The following CAMK4 variants were observed in gnomAD, a reference collection of about 807,000 sequenced individuals.
CAMK4 encodes calcium/calmodulin-dependent protein kinase type IV.
Under a neutral mutation model 44.9 loss-of-function variants are expected in CAMK4, and 22 were observed. The observed-to-expected ratio is 0.49, with a 90% CI of 0.35 to 0.70. The LOEUF is 0.70. CAMK4 is among the 30% of genes least tolerant of loss of function. The pLI is 0.01. For missense variants in CAMK4, 498 were observed against 586.8 expected (o/e 0.85, Z 1.56); for synonymous variants, 218 against 215.4 (o/e 1.01, Z -0.11).
In CAMK4 at chr5:111,482,820, G is replaced by T. The variant is rs767005996; in HGVS notation, c.864G>T (p.Arg288=). The change falls in exon 10 of 11, where the codon CGG becomes CGT. Residue 288 remains arginine, a synonymous_variant. Coordinates refer to ENST00000282356, the MANE Select transcript of CAMK4 (RefSeq NM_001744.6). This position sits in a 1 kb window ranked among gnomAD's most constrained non-coding sequence, Gnocchi z 4.9. The part of the protein sequence containing the change: ...RKLIVLDPKK[R]LTTFQALQHP... ...TAATTGTTTTGGATCCAAAGAAACG[G>T]CTGACTACATTTCAAGCTCTCCAGC... is the stretch of plus-strand genomic sequence containing the variant. 6 of 1,612,006 alleles carry T rather than the reference G, an allele frequency of 3.7e-6. No individual in the cohort carries two copies. In the Admixed American group the frequency reaches 1.0e-4, roughly 27 times the overall value.
chr5:111,254,124 G>A (rs530802930), intron 1 of CAMK4, among the ~76,000 whole-genome samples: 2 of 152,312 alleles, frequency 1.3e-5, no homozygotes, highest in Admixed American at 6.5e-5. Flanking sequence ...GCACATGGAT[G>A]TGGAAGTGAC....
intron 1 of CAMK4, among the ~76,000 whole-genome samples, chr5:111,249,666 ATGTG>A (rs3066628): frequency 0.2 from 28,244 of 140,600 alleles, 3,333 homozygotes; most frequent in Non-Finnish European, 0.27. Context: ...GTGTATATAT[ATGTG>A]TGTGTGTGTG....
intron 1 of CAMK4, among the ~76,000 whole-genome samples, chr5:111,276,383 C>T (rs371056349): frequency 4.6e-5 from 7 of 152,090 alleles, no homozygotes; most frequent in Non-Finnish European, 1.5e-5. Flanking sequence ...TGGGGCTGTT[C>T]GCCACTGTTT....
chr5:111,420,326 A>G (rs1752978132), intron 5 of CAMK4, among the ~76,000 whole-genome samples: 3 of 152,090 alleles, frequency 2.0e-5, no homozygotes, highest in African/African-American at 7.2e-5. Flanking sequence ...TTATCAGCTT[A>G]AGGAGATTTT....
intron 7 of CAMK4, among the ~76,000 whole-genome samples, chr5:111,452,320 C>T (rs1215655196): frequency 6.6e-6 from 1 of 152,226 alleles, no homozygotes; most frequent in Non-Finnish European, 1.5e-5. Flanking sequence ...AGAATCTATA[C>T]ATCAGGCTAA....
chr5:111,323,714 G>A (rs573934249), intron 1 of CAMK4, among the ~76,000 whole-genome samples: 5 of 152,136 alleles, frequency 3.3e-5, no homozygotes, highest in African/African-American at 9.6e-5. Context: ...AATGAAAACT[G>A]AAAGAATCTA....
At chr5:111,468,057 G>T (rs931105483) in intron 7 of CAMK4, among the ~76,000 whole-genome samples, 1 of 152,046 alleles carries the variant, frequency 6.6e-6, no homozygotes, top group Non-Finnish European at 1.5e-5. Context: ...TATTGTAAGT[G>T]AAGTAACTCA....
chr5:111,239,015 T>G (rs1406713704), intron 1 of CAMK4, among the ~76,000 whole-genome samples: 1 of 151,632 alleles, frequency 6.6e-6, no homozygotes, highest in Non-Finnish European at 1.5e-5. Context: ...CCTGGTACAT[T>G]ATTTCCTCAG....
chr5:111,472,200 G>A (rs2112485858), intron 7 of CAMK4, among the ~76,000 whole-genome samples: 1 of 152,108 alleles, frequency 6.6e-6, no homozygotes, highest in East Asian at 1.9e-4. Flanking sequence ...CAGCCCCAGA[G>A]CTCATCTTGA....
chr5:111,413,045 C>G (rs1752685124), intron 5 of CAMK4, among the ~76,000 whole-genome samples: 2 of 152,166 alleles, frequency 1.3e-5, no homozygotes, highest in South Asian at 2.1e-4. Context: ...AAGTTGCTGT[C>G]TAACATCATG....
intron 5 of CAMK4, among the ~76,000 whole-genome samples, chr5:111,398,840 C>G (rs1191811401): frequency 6.6e-6 from 1 of 152,062 alleles, no homozygotes; most frequent in Non-Finnish European, 1.5e-5. Flanking sequence ...ACCTCACGTC[C>G]AAATAATCCC....
intron 7 of CAMK4, among the ~76,000 whole-genome samples, chr5:111,462,207 T>C (rs1049540897): frequency 5.3e-5 from 8 of 152,218 alleles, no homozygotes; most frequent in African/African-American, 1.7e-4. Context: ...TTAACTTCTC[T>C]AGATCCTCTA....
chr5:111,473,306 T>G lies in CAMK4; in HGVS notation c.626-5T>G, dbSNP rs565903423. On this transcript the variant is annotated splice_region_variant and splice_polypyrimidine_tract_variant and intron_variant, in intron 7 of 10. Coordinates refer to ENST00000282356, the MANE Select transcript of CAMK4 (RefSeq NM_001744.6). ...AATTTAACACAATTTTCACTTTTTCTGCAGCACCTGAAATTCTTAGAGGTT... is the reference window on the plus strand; with the variant it reads ...AATTTAACACAATTTTCACTTTTTCGGCAGCACCTGAAATTCTTAGAGGTT... 5.6e-6 allele frequency: 9 copies of G among 1,603,320 alleles called. No individual in the cohort carries two copies. In the South Asian group the frequency reaches 7.7e-5, roughly 14 times the overall value.
chr5:111,352,664 G>GAGAGA (rs1750162886), intron 2 of CAMK4, among the ~76,000 whole-genome samples: 1 of 68,080 alleles, frequency 1.5e-5, no homozygotes, highest in Non-Finnish European at 3.3e-5. Flanking sequence ...AGAGAGAGAG[G>GAGAGA]GAGAGGGAGG....
Position 111,474,449 on chromosome 5 carries a change from C to G in CAMK4, c.701+1063C>G, listed in dbSNP as rs75188366. Among the ~76,000 whole-genome samples, 765 of 152,258 alleles carry G rather than the reference C, an allele frequency of 5.0e-3. 8 individuals are homozygous for G. The highest frequency in any genetic ancestry group is 0.018 in the African/African-American group (729 of 41,556). On this transcript the variant is annotated intron_variant, in intron 8 of 10. Coordinates refer to ENST00000282356, the MANE Select transcript of CAMK4 (RefSeq NM_001744.6). ...AGAAGGAGAAAGCAAGCTCTGTGTA[C>G]TCTTTTCTTATGAGGGGACTAATCC...
intron 5 of CAMK4, among the ~76,000 whole-genome samples, chr5:111,441,380 G>T (rs1016871129): frequency 1.3e-5 from 2 of 152,048 alleles, no homozygotes; most frequent in African/African-American, 4.8e-5. Context: ...TAAATTAATT[G>T]TGCATCCCTG....
At chr5:111,323,976 T>A (rs1748769361) in intron 1 of CAMK4, among the ~76,000 whole-genome samples, 2 of 151,880 alleles carry the variant, frequency 1.3e-5, no homozygotes, top group South Asian at 2.1e-4. Context: ...CAAGAGGAGG[T>A]GGTTAAATGG....
intron 5 of CAMK4, among the ~76,000 whole-genome samples, chr5:111,439,890 A>G (rs2112957404): frequency 6.6e-6 from 1 of 152,332 alleles, no homozygotes; most frequent in Non-Finnish European, 1.5e-5. Flanking sequence ...AGACTAGCCA[A>G]TGTAGTCAGA....
chr5:111,416,712 G>A (rs1423779869), intron 5 of CAMK4, among the ~76,000 whole-genome samples: 2 of 152,074 alleles, frequency 1.3e-5, no homozygotes, highest in Admixed American at 6.6e-5. Context: ...CACATAGAAG[G>A]CATTCAAAAA....
Sources: gnomAD v4.1 joint callset for allele counts (sites outside exome capture counted in the v4.1 genomes callset) on GRCh38, gnomAD v4.1.1 for gene constraint, Gnocchi (gnomAD v3.1) non-coding constraint, MANE v1.5 for transcripts, NCBI Gene and HGNC (gene_info 2026-07-23, HGNC 2026-07-21) for gene names.